The following ZMIZ1 variants were observed in gnomAD, a reference collection of about 807,000 sequenced individuals.
The protein encoded by ZMIZ1 is zinc finger MIZ-type containing 1, also known as zinc finger MIZ domain-containing protein 1.
A neutral mutation model predicts 113.9 loss-of-function variants in ZMIZ1; 17 were observed. The ratio of observed to expected loss-of-function variants is 0.15; its 90% CI spans 0.10 to 0.22. The LOEUF is 0.22. Among genes scored for constraint, ZMIZ1 ranks in the 10% least tolerant of loss-of-function variants. The pLI, the probability that ZMIZ1 is intolerant of heterozygous loss-of-function variation, is 1.00. For missense variants in ZMIZ1, 1,059 were observed against 1,477.8 expected (o/e 0.72, Z 4.65); for synonymous variants, 607 against 603.1 (o/e 1.01, Z -0.09).
At chr10:79,289,746 T>A in intron 8 of ZMIZ1, 29 bp from the exon 9 acceptor site, 1 of 1,602,780 alleles carries the variant, frequency 6.2e-7, no homozygotes, top group East Asian at 2.2e-5. Context: ...TGCCAGGCCC[T>A]GAAGATCTCC....
intron 2 of ZMIZ1, among the ~76,000 whole-genome samples, chr10:79,135,976 C>A (rs1375054137): frequency 1.3e-5 from 2 of 152,032 alleles, no homozygotes; most frequent in Non-Finnish European, 2.9e-5. Context: ...TCAGGGGAAG[C>A]TGGGAAGGCC....
At chr10:79,192,627 G>A (rs760738131) in intron 4 of ZMIZ1, among the ~76,000 whole-genome samples, 5 of 152,216 alleles carry the variant, frequency 3.3e-5, no homozygotes, top group Non-Finnish European at 4.4e-5. Context: ...GTTGTGGTCC[G>A]AATGCAGAAT....
chr10:79,085,384 T>A (rs1842778739), intron 1 of ZMIZ1, among the ~76,000 whole-genome samples: 1 of 152,126 alleles, frequency 6.6e-6, no homozygotes, highest in African/African-American at 2.4e-5. Flanking sequence ...GGCCCGCAGT[T>A]GAGTTCCCAC....
chr10:79,107,329 T>C (rs1843596263), intron 1 of ZMIZ1, among the ~76,000 whole-genome samples: 1 of 152,254 alleles, frequency 6.6e-6, no homozygotes, highest in Admixed American at 6.5e-5. Context: ...CTTCTGGCCG[T>C]GTGACTTTTG....
intron 1 of ZMIZ1, among the ~76,000 whole-genome samples, chr10:79,087,957 C>T (rs904738016): frequency 6.6e-6 from 1 of 152,240 alleles, no homozygotes; most frequent in African/African-American, 2.4e-5. Context: ...CACCACCAGG[C>T]TCTGGCTCCC....
At chr10:79,134,092 G>C (rs1320509602) in intron 2 of ZMIZ1, among the ~76,000 whole-genome samples, 1 of 152,170 alleles carries the variant, frequency 6.6e-6, no homozygotes, top group African/African-American at 2.4e-5. Flanking sequence ...CACCACTTGA[G>C]GCCCCTGATC....
At chr10:79,141,267 G>A (rs117276957) in intron 3 of ZMIZ1, among the ~76,000 whole-genome samples, 2,096 of 152,340 alleles carry the variant, frequency 0.014, 16 homozygotes, top group Non-Finnish European at 0.021. Context: ...CAGAGATATA[G>A]CAGGGAATAA....
At chr10:79,218,584 G>GGTGTGTGTGTGTGT (rs55736085) in intron 7 of ZMIZ1, among the ~76,000 whole-genome samples, 4,534 of 147,560 alleles carry the variant, frequency 0.031, 117 homozygotes, top group African/African-American at 0.063. Context: ...TAATTAGAGG[G>GGTGTGTGTGTGTGT]GTGTGTGTGT....
rs896050697 is a variant in ZMIZ1, at chr10:79,178,581, G to A, written c.-50+16448G>A. Among the ~76,000 whole-genome samples, 15 of 152,188 alleles carry A rather than the reference G, an allele frequency of 9.9e-5. No homozygotes were observed. In the Middle Eastern group the frequency reaches 9.5e-3, roughly 96 times the overall value. ...CTGGTGACATCCTTGGTGGCCCTGA[G>A]ACAGCTTTATGGAAGACAGATTAAG... On this transcript the variant is annotated intron_variant, in intron 4 of 24. Coordinates refer to ENST00000334512, the MANE Select transcript of ZMIZ1 (RefSeq NM_020338.4).
chr10:79,202,984 T>C (rs148237829), intron 5 of ZMIZ1, among the ~76,000 whole-genome samples: 61 of 152,336 alleles, frequency 4.0e-4, no homozygotes, highest in African/African-American at 1.4e-3. Flanking sequence ...TTGTGGGTGA[T>C]GCACGTAGCC....
intron 7 of ZMIZ1, among the ~76,000 whole-genome samples, chr10:79,262,377 A>AT (rs2131907963): frequency 6.6e-6 from 1 of 152,358 alleles, no homozygotes; most frequent in South Asian, 2.1e-4. Context: ...CATGGGCAAG[A>AT]TTGAGAATCC....
chr10:79,305,514 T>G lies in ZMIZ1; in HGVS notation c.2355-19T>G. On this transcript the variant is annotated intron_variant, in intron 20 of 24. Transcript: ENST00000334512. ...TTGGGTCCTGGAGCAGAGGCCAAGC[T>G]CCCCATCTCCTTTTCCAGTAAAACC... 6.2e-7 allele frequency: 1 copy of G among 1,613,724 alleles called. No homozygotes were observed. The highest frequency in any genetic ancestry group is 8.5e-7 in the Non-Finnish European group (1 of 1,179,864).
Position 79,209,189 on chromosome 10 carries a change from G to T in ZMIZ1, c.174+740G>T, listed in dbSNP as rs190254779. ...GCTCGGGGCACAAGCAGCAGAGGGG[G>T]CAGGAGTGCTCGGGGCACAAGCAGC... is the stretch of plus-strand genomic sequence containing the variant. On this transcript the variant is annotated intron_variant, in intron 6 of 24. Coordinates refer to ENST00000334512, the MANE Select transcript of ZMIZ1 (RefSeq NM_020338.4). Among the ~76,000 whole-genome samples the T allele has an allele frequency of 2.6e-5, 4 of 151,994 alleles. No individual in the cohort carries two copies. In the East Asian group the frequency reaches 7.8e-4, roughly 30 times the overall value.
chr10:79,178,933 C>T (rs568987987), intron 4 of ZMIZ1, among the ~76,000 whole-genome samples: 3 of 152,240 alleles, frequency 2.0e-5, no homozygotes, highest in African/African-American at 2.4e-5. Flanking sequence ...GCCCTGCCCC[C>T]GCCTGGCTCA....
chr10:79,238,390 G>A (rs942662470), intron 7 of ZMIZ1, among the ~76,000 whole-genome samples: 1 of 152,174 alleles, frequency 6.6e-6, no homozygotes, highest in Non-Finnish European at 1.5e-5. Context: ...GAAGGGGAGC[G>A]GGGTAGAGTG....
In ZMIZ1 at chr10:79,306,153, CCATCAAGTCGGACTTACA is replaced by C. The variant is rs755103595; in HGVS notation, c.2485_2502del (p.Ser829_Lys834del). On this transcript the variant is annotated inframe_deletion, in exon 22 of 25. Coordinates refer to ENST00000334512, the MANE Select transcript of ZMIZ1 (RefSeq NM_020338.4). ...CCCACGTGCAGCTGGCGGCCGGTGC[CCATCAAGTCGGACTTACA>C]CATCAAGGACGACCCTGATGGCATC... is the stretch of plus-strand genomic sequence containing the variant. 3 of 1,614,026 alleles carry C rather than the reference CCATCAAGTCGGACTTACA, an allele frequency of 1.9e-6. No homozygotes were observed. The highest frequency in any genetic ancestry group is 8.5e-7 in the Non-Finnish European group (1 of 1,180,014).
At chr10:79,231,994 A>G (rs1036802330) in intron 7 of ZMIZ1, among the ~76,000 whole-genome samples, 4 of 152,176 alleles carry the variant, frequency 2.6e-5, no homozygotes, top group African/African-American at 9.7e-5. Context: ...GGAACAATGG[A>G]CCCATGAATG....
chr10:79,083,697 G>A (rs1474615355), intron 1 of ZMIZ1, among the ~76,000 whole-genome samples: 3 of 152,218 alleles, frequency 2.0e-5, no homozygotes, highest in Non-Finnish European at 4.4e-5. Context: ...TTGGACCAGA[G>A]TGTTCAGTGG....
Position 79,307,522 on chromosome 10 carries a change from A to G in ZMIZ1, c.2786A>G (p.Asn929Ser), listed in dbSNP as rs1589614917. The G allele has an allele frequency of 2.5e-6, 4 of 1,590,150 alleles. No individual in the cohort carries two copies. In the South Asian group the frequency reaches 4.4e-5, roughly 18 times the overall value. ...PQLSHPPDMP[N>S]NMAALEKPLS... ...CTCTCCCACCCCCCGGACATGCCCA[A>G]CAACATGGCCGCCCTCGAGAAACCC... The change falls in exon 23 of 25, where the codon AAC becomes AGC. Residue 929 changes from asparagine (N) to serine (S), a missense_variant. Transcript: ENST00000334512.
Sources: allele counts gnomAD v4.1 joint callset (sites outside exome capture counted in the v4.1 genomes callset), GRCh38; gene constraint gnomAD v4.1.1; transcripts MANE v1.5; gene names NCBI Gene and HGNC (gene_info 2026-07-23, HGNC 2026-07-21).